UNC13C: variants seen among roughly 807,000 people sequenced by gnomAD.
UNC13C encodes protein unc-13 homolog C.
UNC13C carries 174 observed loss-of-function variants against 245.4 expected under a neutral mutation model. The observed-to-expected ratio is 0.71, with a 90% confidence interval of 0.63 to 0.80. The LOEUF (loss-of-function observed/expected upper bound fraction) is 0.80. Among genes scored for constraint, UNC13C ranks in the 30% least tolerant of loss-of-function variants. UNC13C has a pLI of 0.00. For synonymous variants in UNC13C, 992 were observed against 895.1 expected (o/e 1.11, Z -1.93); for missense variants, 2,829 against 2,602.9 (o/e 1.09, Z -1.89).
intron 4 of UNC13C, among the ~76,000 whole-genome samples, chr15:54,186,184 G>A (rs976205079): frequency 5.3e-5 from 8 of 152,080 alleles, no homozygotes; most frequent in African/African-American, 1.9e-4. Flanking sequence ...AGACAATGGG[G>A]TTTTCTAGAT....
chr15:54,242,226 T>G (rs2035872317), intron 7 of UNC13C, among the ~76,000 whole-genome samples: 1 of 152,172 alleles, frequency 6.6e-6, no homozygotes, highest in African/African-American at 2.4e-5. Context: ...AAATAAGTTC[T>G]GTATCTTGAA....
intron 19 of UNC13C, among the ~76,000 whole-genome samples, chr15:54,476,305 T>G (rs1242281124): frequency 5.5e-5 from 8 of 145,644 alleles, no homozygotes; most frequent in Non-Finnish European, 1.2e-4. Flanking sequence ...AGAAGCTCTT[T>G]AGTTTAATTA....
intron 17 of UNC13C, among the ~76,000 whole-genome samples, chr15:54,347,650 A>G (rs959907156): frequency 2.0e-5 from 3 of 152,218 alleles, no homozygotes; most frequent in African/African-American, 7.2e-5. Context: ...GTGTTTTGCT[A>G]TAAGGCAGCA....
At chr15:53,856,958 G>A in the UNC13C span, among the ~76,000 whole-genome samples, 1 of 152,094 alleles carries the variant, frequency 6.6e-6, no homozygotes, top group Non-Finnish European at 1.5e-5. Context: ...AAATCTGGGT[G>A]CTCCTGTATT....
the UNC13C span, among the ~76,000 whole-genome samples, chr15:53,854,450 C>T: frequency 6.6e-6 from 1 of 152,074 alleles, no homozygotes; most frequent in African/African-American, 2.4e-5. Flanking sequence ...AGTCTTTAAT[C>T]CATCTTGAGT....
intron 12 of UNC13C, among the ~76,000 whole-genome samples, chr15:54,299,459 C>A (rs567514920): frequency 6.6e-6 from 1 of 152,228 alleles, no homozygotes; most frequent in Admixed American, 6.5e-5. Context: ...TCAGATTATT[C>A]ATCCAGGGCA....
At chr15:54,128,614 T>C (rs2031207202) in intron 2 of UNC13C, among the ~76,000 whole-genome samples, 1 of 152,214 alleles carries the variant, frequency 6.6e-6, no homozygotes, top group African/African-American at 2.4e-5. Context: ...TATTAAAATC[T>C]CGTGTTTTAG....
intron 2 of UNC13C, among the ~76,000 whole-genome samples, chr15:54,129,834 A>T (rs1352866703): frequency 2.0e-5 from 3 of 151,426 alleles, no homozygotes; most frequent in Non-Finnish European, 3.0e-5. Context: ...TTACAACTTT[A>T]AAAAAGTCTT....
chr15:54,192,403 C>A (rs752928083), intron 4 of UNC13C, among the ~76,000 whole-genome samples: 1 of 152,002 alleles, frequency 6.6e-6, no homozygotes, highest in Non-Finnish European at 1.5e-5. Context: ...AGGATAGATT[C>A]TCCATGCTTC....
the UNC13C span, among the ~76,000 whole-genome samples, chr15:53,919,930 C>T: frequency 1.3e-5 from 2 of 151,944 alleles, no homozygotes; most frequent in African/African-American, 4.8e-5. Context: ...TATTAATTAT[C>T]ACACTCCCAT....
At chr15:54,202,501 A>G (rs1416927721) in intron 4 of UNC13C, among the ~76,000 whole-genome samples, 1 of 152,098 alleles carries the variant, frequency 6.6e-6, no homozygotes, top group East Asian at 1.9e-4. Context: ...TAGAGAACCC[A>G]GAAATAAACC....
intron 5 of UNC13C, 85 bp downstream of exon 5, chr15:54,235,193 T>C: frequency 8.8e-7 from 1 of 1,138,620 alleles, no homozygotes; most frequent in Non-Finnish European, 1.3e-6. Context: ...ATTCACTGTC[T>C]AGCCTGTAAA....
At chr15:53,944,210 GA>G in the UNC13C span, among the ~76,000 whole-genome samples, 1 of 151,926 alleles carries the variant, frequency 6.6e-6, no homozygotes, top group Non-Finnish European at 1.5e-5. Flanking sequence ...AAAAAGAAAA[GA>G]AATTATTTTA....
intron 4 of UNC13C, among the ~76,000 whole-genome samples, chr15:54,160,744 T>C (rs1348913090): frequency 6.6e-6 from 1 of 152,176 alleles, no homozygotes; most frequent in African/African-American, 2.4e-5. Context: ...TGAATTGACA[T>C]GTGAACATTT....
At chr15:54,485,402 G>A (rs959565638) in intron 19 of UNC13C, among the ~76,000 whole-genome samples, 2 of 152,128 alleles carry the variant, frequency 1.3e-5, no homozygotes, top group Admixed American at 6.5e-5. Flanking sequence ...GCTATGTAGT[G>A]GAAAGACACA....
chr15:54,049,457 A>T, intron 2 of UNC13C: 1 of 427,498 alleles, frequency 2.3e-6, no homozygotes, highest in Non-Finnish European at 4.7e-6. Context: ...CATTGAAGAG[A>T]CATTGAAACA....
chr15:54,617,381 T>G (rs1019352601), intron 30 of UNC13C, among the ~76,000 whole-genome samples: 10 of 151,982 alleles, frequency 6.6e-5, no homozygotes, highest in African/African-American at 2.4e-4. Flanking sequence ...AGGAGGGATA[T>G]GGGGAGAAGC....
intron 4 of UNC13C, among the ~76,000 whole-genome samples, chr15:54,231,669 A>T (rs1323972529): frequency 6.6e-6 from 1 of 152,086 alleles, no homozygotes; most frequent in Non-Finnish European, 1.5e-5. Flanking sequence ...CACCAAAAAA[A>T]ATTAGTTATC....
At chr15:54,342,236 T>A (rs1251840639) in intron 17 of UNC13C, among the ~76,000 whole-genome samples, 1 of 152,202 alleles carries the variant, frequency 6.6e-6, no homozygotes, top group Non-Finnish European at 1.5e-5. Context: ...TTTTTGGTTA[T>A]ATGGATTTCA....
Sources: gnomAD v4.1 joint callset for allele counts (sites outside exome capture counted in the v4.1 genomes callset) on GRCh38, gnomAD v4.1.1 for gene constraint, MANE v1.5 for transcripts, NCBI Gene and HGNC (gene_info 2026-07-23, HGNC 2026-07-21) for gene names.